Variants in TENM4 observed in about 807,000 individuals in gnomAD.
The protein encoded by TENM4 is teneurin-4.
In TENM4, 82 loss-of-function variants were observed where a neutral mutation model predicts 243.3. The ratio of observed to expected loss-of-function variants is 0.34; its 90% confidence interval spans 0.28 to 0.40. The LOEUF is 0.40. Among genes scored for constraint, TENM4 ranks in the 10% least tolerant of loss-of-function variants. TENM4 has a pLI of 1.00. For synonymous variants in TENM4, 1,412 were observed against 1,456.3 expected, an observed-to-expected ratio of 0.97 and a Z score of 0.69; for missense variants, 3,138 against 3,673.3, an observed-to-expected ratio of 0.85 and a Z score of 3.77.
intron 1 of TENM4, among the ~76,000 whole-genome samples, chr11:79,385,645 G>A (rs1475274308): frequency 6.6e-6 from 1 of 152,128 alleles, no homozygotes; most frequent in African/African-American, 2.4e-5. Flanking sequence ...CTTTTCTAAA[G>A]TAAATTTGCT....
intron 4 of TENM4, among the ~76,000 whole-genome samples, chr11:79,119,222 T>C (rs1281867749): frequency 1.3e-5 from 2 of 152,162 alleles, no homozygotes; most frequent in Admixed American, 1.3e-4. Flanking sequence ...CATCCAGGTC[T>C]AGAGAAATAG....
intron 4 of TENM4, among the ~76,000 whole-genome samples, chr11:79,119,910 G>C (rs1861706323): frequency 6.6e-6 from 1 of 152,200 alleles, no homozygotes; most frequent in South Asian, 2.1e-4. Flanking sequence ...TAACCAGGCT[G>C]TCTATATCCC....
chr11:79,430,922 A>C (rs1859154678), intron 1 of TENM4, among the ~76,000 whole-genome samples: 1 of 152,242 alleles, frequency 6.6e-6, no homozygotes, highest in Non-Finnish European at 1.5e-5. Flanking sequence ...CAAACTCTAG[A>C]ATAGATAAGC....
At chr11:78,799,673 T>G (rs1857239865) in intron 15 of TENM4, among the ~76,000 whole-genome samples, 1 of 152,262 alleles carries the variant, frequency 6.6e-6, no homozygotes, top group Non-Finnish European at 1.5e-5. Context: ...CAATTCTTGC[T>G]GACTGCACGT....
chr11:78,743,245 A>G (rs991098182), intron 19 of TENM4, among the ~76,000 whole-genome samples: 3 of 152,080 alleles, frequency 2.0e-5, no homozygotes, highest in Non-Finnish European at 4.4e-5. Flanking sequence ...GCTACTCCTC[A>G]TGAACTCTGA....
At chr11:79,407,993 T>A (rs1159446700) in intron 1 of TENM4, among the ~76,000 whole-genome samples, 2 of 152,014 alleles carry the variant, frequency 1.3e-5, no homozygotes, top group South Asian at 4.1e-4. Context: ...AACTTCTGTC[T>A]CCCAGGTTCA....
chr11:79,430,940 T>C (rs1210261078), intron 1 of TENM4, among the ~76,000 whole-genome samples: 1 of 152,188 alleles, frequency 6.6e-6, no homozygotes, highest in Non-Finnish European at 1.5e-5. Context: ...AGCCAGAAGT[T>C]CCAAACGTGC....
At chr11:79,363,088 C>T (rs1027476558) in intron 1 of TENM4, among the ~76,000 whole-genome samples, 1 of 152,170 alleles carries the variant, frequency 6.6e-6, no homozygotes, top group Non-Finnish European at 1.5e-5. Flanking sequence ...AGTACAGTTG[C>T]TTTTTTCTTT....
intron 6 of TENM4, among the ~76,000 whole-genome samples, chr11:79,001,159 C>G (rs1468395735): frequency 6.6e-6 from 1 of 152,124 alleles, no homozygotes; most frequent in Non-Finnish European, 1.5e-5. Flanking sequence ...GATATATTGT[C>G]TATAGGAAAC....
At chr11:79,029,555 G>A (rs1859171738) in intron 6 of TENM4, among the ~76,000 whole-genome samples, 1 of 152,122 alleles carries the variant, frequency 6.6e-6, no homozygotes, top group South Asian at 2.1e-4. Context: ...CATCTTAGAA[G>A]CTTGGCTGTC....
At chr11:79,335,743 G>T (rs983871205) in intron 1 of TENM4, among the ~76,000 whole-genome samples, 2 of 152,152 alleles carry the variant, frequency 1.3e-5, no homozygotes, top group Non-Finnish European at 2.9e-5. Flanking sequence ...ACATGGTCTG[G>T]GAAAATGTTT....
At chr11:79,216,334 A>T (rs1864050253) in intron 2 of TENM4, among the ~76,000 whole-genome samples, 1 of 152,234 alleles carries the variant, frequency 6.6e-6, no homozygotes, top group South Asian at 2.1e-4. Flanking sequence ...GATTGACTGC[A>T]TACTGTGATG....
chr11:79,193,797 C>A (rs1434981442), intron 3 of TENM4, among the ~76,000 whole-genome samples: 1 of 152,168 alleles, frequency 6.6e-6, no homozygotes, highest in Non-Finnish European at 1.5e-5. Context: ...TGATAGTCAA[C>A]CTGCCCAAGG....
At chr11:78,732,166 G>T in intron 21 of TENM4, 150 bp downstream of exon 21, 2 of 1,142,706 alleles carry the variant, frequency 1.8e-6, no homozygotes, top group Non-Finnish European at 1.2e-6. Context: ...CTGCTGTGGG[G>T]TTTGGTGGCT....
intron 1 of TENM4, among the ~76,000 whole-genome samples, chr11:79,341,387 C>A (rs1173274858): frequency 6.6e-6 from 1 of 152,196 alleles, no homozygotes; most frequent in Non-Finnish European, 1.5e-5. Flanking sequence ...CGTGCCATGC[C>A]TATCCTGAGT....
intron 1 of TENM4, among the ~76,000 whole-genome samples, chr11:79,380,344 AC>A (rs1334000286): frequency 3.3e-5 from 5 of 151,566 alleles, no homozygotes; most frequent in Non-Finnish European, 7.4e-5. Flanking sequence ...AGAATGAATG[AC>A]AACACAAGGC....
chr11:78,832,003 C>A (rs779838872), intron 12 of TENM4, among the ~76,000 whole-genome samples: 2 of 152,222 alleles, frequency 1.3e-5, no homozygotes, highest in Non-Finnish European at 2.9e-5. Context: ...AGGCACAGTG[C>A]TGGTACATTG....
chr11:78,778,428 G>A (rs931053495), intron 17 of TENM4, among the ~76,000 whole-genome samples, 174 bp downstream of exon 17: 2 of 152,186 alleles, frequency 1.3e-5, no homozygotes, highest in Non-Finnish European at 2.9e-5. Flanking sequence ...CCTTGTGACC[G>A]AAAACCCATC....
chr11:78,983,229 T>A (rs1169411584), intron 6 of TENM4, among the ~76,000 whole-genome samples: 1 of 152,174 alleles, frequency 6.6e-6, no homozygotes, highest in Admixed American at 6.5e-5. Context: ...CAACAAGTAT[T>A]TATAGAAAGC....
Sources: allele counts gnomAD v4.1 joint callset (sites outside exome capture counted in the v4.1 genomes callset), GRCh38; gene constraint gnomAD v4.1.1; transcripts MANE v1.5; gene names NCBI Gene and HGNC (gene_info 2026-07-23, HGNC 2026-07-21).